CHD9: variants seen among roughly 807,000 people sequenced by gnomAD.
CHD9 encodes ATP-dependent chromatin remodeler CHD9.
In CHD9, 77 loss-of-function variants were observed where a neutral mutation model predicts 316.1. The observed-to-expected ratio is 0.24, with a 90% CI of 0.20 to 0.29. The LOEUF (loss-of-function observed/expected upper bound fraction) is 0.29. Among genes scored for constraint, CHD9 ranks in the 10% least tolerant of loss-of-function variants. CHD9 has a pLI of 1.00. For synonymous variants in CHD9, 1,129 were observed against 1,158.3 expected (o/e 0.97, Z 0.51); for missense variants, 2,763 against 3,438.1 (o/e 0.80, Z 4.91).
chr16:53,297,375 A>T (rs559748097), intron 30 of CHD9, among the ~76,000 whole-genome samples: 1 of 152,218 alleles, frequency 6.6e-6, no homozygotes. Context: ...GTATACACTG[A>T]GTCTTAAGAA....
chr16:53,120,444 T>C (rs1314567503), intron 1 of CHD9, among the ~76,000 whole-genome samples: 1 of 151,518 alleles, frequency 6.6e-6, no homozygotes, highest in Admixed American at 6.6e-5. Context: ...AGAAACTCCG[T>C]CTCTACTAAA....
At chr16:53,085,381 A>T (rs2035381418) in intron 1 of CHD9, among the ~76,000 whole-genome samples, 1 of 151,988 alleles carries the variant, frequency 6.6e-6, no homozygotes, top group African/African-American at 2.4e-5. Flanking sequence ...ACCCCCCAGG[A>T]CATTTATGTT....
At chr16:53,222,169 C>T (rs2047299514) in intron 3 of CHD9, among the ~76,000 whole-genome samples, 1 of 152,014 alleles carries the variant, frequency 6.6e-6, no homozygotes, top group Admixed American at 6.6e-5. Context: ...CTCCGCCTCC[C>T]GGGCTCAAGC....
intron 36 of CHD9, among the ~76,000 whole-genome samples, chr16:53,316,052 G>A (rs772070673): frequency 1.6e-4 from 24 of 152,018 alleles, no homozygotes; most frequent in Non-Finnish European, 3.2e-4. Context: ...GACCAGCCTG[G>A]CCACAGGCCA....
At chr16:53,304,705 T>A in intron 31 of CHD9, 80 bp downstream of exon 31, 1 of 1,288,750 alleles carries the variant, frequency 7.8e-7, no homozygotes, top group South Asian at 1.7e-5. Context: ...TTTTTTTTTT[T>A]TTTTTTGAGA....
At chr16:53,249,600 G>GAAA (rs1567558647) in intron 16 of CHD9, among the ~76,000 whole-genome samples, 1 of 152,142 alleles carries the variant, frequency 6.6e-6, no homozygotes, top group African/African-American at 2.4e-5. Context: ...ACTGCCTTTT[G>GAAA]TTATTCTAAC....
chr16:53,100,583 C>T (rs1212245221), intron 1 of CHD9, among the ~76,000 whole-genome samples: 1 of 151,984 alleles, frequency 6.6e-6, no homozygotes, highest in Non-Finnish European at 1.5e-5. Context: ...CTCAGCCTCC[C>T]AAGTAGTTGG....
At chr16:53,127,533 CCAGA>C (rs1052383792) in intron 1 of CHD9, among the ~76,000 whole-genome samples, 6 of 152,060 alleles carry the variant, frequency 3.9e-5, no homozygotes, top group African/African-American at 1.4e-4. Context: ...GCCTTTGGGG[CCAGA>C]CAGTTCTAAG....
chr16:53,266,802 G>A (rs2051741519), intron 20 of CHD9, among the ~76,000 whole-genome samples: 1 of 152,112 alleles, frequency 6.6e-6, no homozygotes, highest in Admixed American at 6.5e-5. Context: ...TAACTGCCTT[G>A]CTTTCTTTGT....
At chr16:53,213,036 C>T (rs565756592) in intron 3 of CHD9, among the ~76,000 whole-genome samples, 2 of 152,302 alleles carry the variant, frequency 1.3e-5, no homozygotes, top group South Asian at 4.1e-4. Context: ...CATTCAGCTA[C>T]CTCAGTTCTC....
intron 1 of CHD9, among the ~76,000 whole-genome samples, chr16:53,092,996 C>T (rs1427531805): frequency 6.6e-6 from 1 of 152,210 alleles, no homozygotes; most frequent in Non-Finnish European, 1.5e-5. Context: ...CAGGGCTGGT[C>T]TCAAACTCCT....
rs1296437867 is a variant in CHD9 at position 53,227,551 on chromosome 16, T to A, written c.2116T>A (p.Ser706Thr). 2.1e-6 allele frequency: 3 copies of A among 1,447,790 alleles called. No individual in the cohort carries two copies. The highest frequency in any genetic ancestry group is 2.8e-6 in the Non-Finnish European group (3 of 1,074,898). 89.7% of individuals were successfully genotyped at this position (1,447,790 alleles called of 1,614,324 possible). A position where few individuals can be genotyped will look rare whatever the true frequency, so the allele number is the denominator to read the frequency against. The change falls in exon 7 of 39, where the codon TCA (serine) becomes ACA (threonine). Residue 706 changes from serine to threonine, a missense_variant. Around this residue, in one of 15 missense-constraint regions of CHD9, gnomAD observed 859 missense variants for 890.4 expected, o/e 0.96. Coordinates refer to ENST00000447540, the MANE Select transcript of CHD9 (RefSeq NM_001308319.2). Reference protein sequence around the residue: ...LSSRTVKKEISPGVMIDTEEF... With the variant: ...LSSRTVKKEITPGVMIDTEEF... ...ATTACTGATTTTCTTTTCTTAGATA[T>A]CACCTGGAGTGATGATTGATACAGA...
intron 3 of CHD9, among the ~76,000 whole-genome samples, chr16:53,214,329 TA>T (rs1335913717): frequency 6.6e-6 from 1 of 152,186 alleles, no homozygotes; most frequent in African/African-American, 2.4e-5. Context: ...TAGTTCTTGT[TA>T]ATAAAGTGAC....
intron 1 of CHD9, among the ~76,000 whole-genome samples, chr16:53,078,692 G>A (rs1007101908): frequency 5.3e-5 from 8 of 152,018 alleles, no homozygotes; most frequent in Admixed American, 3.3e-4. Context: ...AGAATTCCTA[G>A]CTCCCCAACT....
In CHD9 at chr16:53,298,755, G is replaced by A. The variant is rs76320307; in HGVS notation, c.5713+1597G>A. The A allele has an allele frequency of 2.3e-3, 360 of 153,666 alleles. 1 individual carries two copies. Among genetic ancestry groups the A allele is most frequent in the African/African-American group, 8.0e-3 (334 of 41,556 alleles). The allele number at this position is 153,666 out of a possible 1,614,324, so 9.5% of individuals were successfully genotyped here. On this transcript the variant is annotated intron_variant, in intron 30 of 38. Transcript: ENST00000447540. ...GAACCCTTTCTGTCCAGGAACATGCGGGATTCTATTGTCGACACAGAATTA... is the reference window on the plus strand; with the variant it reads ...GAACCCTTTCTGTCCAGGAACATGCAGGATTCTATTGTCGACACAGAATTA...
chr16:53,144,688 G>C (rs771201111), intron 1 of CHD9, among the ~76,000 whole-genome samples: 10 of 151,924 alleles, frequency 6.6e-5, no homozygotes, highest in Non-Finnish European at 1.5e-4. Flanking sequence ...ACTATGCCCA[G>C]CTAATTTTTG....
At chr16:53,197,496 A>G (rs986875908) in intron 2 of CHD9, among the ~76,000 whole-genome samples, 3 of 152,122 alleles carry the variant, frequency 2.0e-5, no homozygotes, top group Non-Finnish European at 2.9e-5. Context: ...AAAGTATTTT[A>G]TATCAGGACT....
chr16:53,317,711 C>CT (rs2056987963), intron 36 of CHD9, among the ~76,000 whole-genome samples: 1 of 152,020 alleles, frequency 6.6e-6, no homozygotes, highest in Admixed American at 6.6e-5. Context: ...CCGGGCTTAA[C>CT]TTTTTTAATG....
chr16:53,216,335 G>A (rs1285866366), intron 3 of CHD9, among the ~76,000 whole-genome samples: 1 of 151,916 alleles, frequency 6.6e-6, no homozygotes, highest in Non-Finnish European at 1.5e-5. Flanking sequence ...TGTTGTCATT[G>A]TATACATAAT....
Sources: gnomAD v4.1 joint callset for allele counts (sites outside exome capture counted in the v4.1 genomes callset) on GRCh38, gnomAD v4.1.1 for gene constraint, gnomAD v4.1.1 regional missense constraint, MANE v1.5 for transcripts, NCBI Gene and HGNC (gene_info 2026-07-23, HGNC 2026-07-21) for gene names.